The following NARS2 variants were observed in gnomAD, a reference collection of about 807,000 sequenced individuals.
The protein encoded by NARS2 is asparaginyl-tRNA synthetase 2, mitochondrial.
In NARS2, 60 loss-of-function variants were observed where a neutral mutation model predicts 62.9. The observed-to-expected ratio is 0.95, with a 90% CI of 0.77 to 1.18. The LOEUF is 1.18. Among genes scored for constraint, NARS2 ranks in the 50% most tolerant of loss-of-function variants. The probability of loss-of-function intolerance (pLI) is 0.00; values close to 1 mark genes in which losing one functional copy is unlikely to be tolerated. For synonymous variants in NARS2, 196 were observed against 200.0 expected (o/e 0.98, Z 0.17); for missense variants, 619 against 576.4 (o/e 1.07, Z -0.76).
intron 5 of NARS2, among the ~76,000 whole-genome samples, chr11:78,547,446 T>C (rs1266878374): frequency 6.6e-6 from 1 of 152,170 alleles, no homozygotes; most frequent in East Asian, 1.9e-4. Context: ...ATAGGTTAAA[T>C]ACATTGAAAT....
intron 7 of NARS2, among the ~76,000 whole-genome samples, chr11:78,491,283 C>T (rs930135848): frequency 1.3e-5 from 2 of 152,232 alleles, no homozygotes; most frequent in Admixed American, 1.3e-4. Flanking sequence ...CCCTTCCCTG[C>T]CCATTCCCTA....
At chr11:78,462,234 A>C (rs1858427902) in intron 11 of NARS2, among the ~76,000 whole-genome samples, 1 of 152,204 alleles carries the variant, frequency 6.6e-6, no homozygotes, top group Admixed American at 6.5e-5. Context: ...GGAGTGATGA[A>C]AAAAAGCCAA....
intron 6 of NARS2, among the ~76,000 whole-genome samples, chr11:78,523,218 G>A (rs747120243): frequency 6.6e-6 from 1 of 152,188 alleles, no homozygotes; most frequent in Non-Finnish European, 1.5e-5. Flanking sequence ...TGACTTTAAT[G>A]ATGAAAACCC....
intron 9 of NARS2, 49 bp downstream of exon 9, chr11:78,478,389 T>C (rs531865982): frequency 1.1e-5 from 9 of 827,840 alleles, no homozygotes; most frequent in Non-Finnish European, 1.6e-5. Flanking sequence ...TATAGTGTGA[T>C]AAATACAGTG....
chr11:78,466,101 A>C, intron 10 of NARS2, 88 bp from the exon 11 acceptor site: 4 of 1,376,050 alleles, frequency 2.9e-6, no homozygotes, highest in Non-Finnish European at 3.0e-6. Context: ...ATCAATTCTA[A>C]GGGCTTCATC....
chr11:78,518,845 T>C (rs1861009700), intron 6 of NARS2, among the ~76,000 whole-genome samples: 1 of 152,202 alleles, frequency 6.6e-6, no homozygotes. Flanking sequence ...GTGAAATGAA[T>C]GAGTACTATA....
chr11:78,468,325 AAAAG>A (rs1858718430), intron 10 of NARS2, among the ~76,000 whole-genome samples: 6 of 149,308 alleles, frequency 4.0e-5, no homozygotes, highest in African/African-American at 1.5e-4. Flanking sequence ...AAAAAAAAAA[AAAAG>A]AAAAAAAAGA....
chr11:78,497,044 G>A (rs1272288660), intron 6 of NARS2, among the ~76,000 whole-genome samples: 2 of 152,030 alleles, frequency 1.3e-5, no homozygotes, highest in Admixed American at 6.6e-5. Flanking sequence ...GGCCAGTATT[G>A]CTCTGAGAAG....
chr11:78,451,269 C>A (rs1857961017), intron 11 of NARS2, among the ~76,000 whole-genome samples: 1 of 152,236 alleles, frequency 6.6e-6, no homozygotes, highest in South Asian at 2.1e-4. Flanking sequence ...AATTTTCACA[C>A]TCTTTAGTTA....
At chr11:78,507,164 C>T (rs1860534266) in intron 6 of NARS2, among the ~76,000 whole-genome samples, 1 of 131,090 alleles carries the variant, frequency 7.6e-6, no homozygotes, top group African/African-American at 2.8e-5. Flanking sequence ...TCCCCACCCC[C>T]CACCCTGCCC....
At chr11:78,439,874 GA>G (rs1857522927) in intron 13 of NARS2, among the ~76,000 whole-genome samples, 1 of 152,224 alleles carries the variant, frequency 6.6e-6, no homozygotes, top group African/African-American at 2.4e-5. Context: ...AGTACTTGAA[GA>G]AAAAGTCTGC....
chr11:78,445,608 C>T (rs1460663996), intron 11 of NARS2, among the ~76,000 whole-genome samples: 3 of 152,058 alleles, frequency 2.0e-5, no homozygotes, highest in Non-Finnish European at 4.4e-5. Context: ...GATGACAAAG[C>T]GAGATTTTGT....
intron 6 of NARS2, among the ~76,000 whole-genome samples, chr11:78,523,777 G>A (rs147389108): frequency 3.3e-3 from 500 of 152,286 alleles, no homozygotes; most frequent in African/African-American, 0.012. Context: ...AACTCATAGA[G>A]AGAGAACTTA....
At chr11:78,538,721 C>A (rs1204457081) in intron 5 of NARS2, among the ~76,000 whole-genome samples, 1 of 151,916 alleles carries the variant, frequency 6.6e-6, no homozygotes, top group Admixed American at 6.6e-5. Flanking sequence ...TTAGGCCGGG[C>A]GCGGTGGCTC....
In NARS2 at chr11:78,469,131, C is replaced by T. The variant is rs1858756864; in HGVS notation, c.1026+116G>A. The T allele has an allele frequency of 1.5e-5, 10 of 686,842 alleles. No individual in the cohort carries two copies. In the South Asian group the frequency reaches 1.5e-4, roughly 10 times the overall value. 42.5% of individuals were successfully genotyped at this position (686,842 alleles called of 1,614,324 possible). Reference sequence around the variant, plus strand: ...AAGTCTGTGTACAAATGAGCAAATGCCATATTTTGCTAATAAGAGAATTAA... The same window carrying T: ...AAGTCTGTGTACAAATGAGCAAATGTCATATTTTGCTAATAAGAGAATTAA... On this transcript the variant is annotated intron_variant, in intron 10 of 13. Transcript: ENST00000281038.
At chr11:78,533,046 C>G (rs191307974) in intron 5 of NARS2, 32 of 152,256 alleles carry the variant, frequency 2.1e-4, no homozygotes, top group Middle Eastern at 3.4e-3. Context: ...GATTCTGGGC[C>G]TCTTGATTAT....
rs959900514 is a variant in NARS2, at chr11:78,496,136, G to A, written c.690-2941C>T. On this transcript the variant is annotated intron_variant, in intron 6 of 13. Transcript: ENST00000281038. ...ACAGTGCTTCCTCTAAAGTAACAGA[G>A]TGATAAAATGAACTGGAAGGTATGT... Among the ~76,000 whole-genome samples, 17 of 152,276 alleles carry A rather than the reference G, an allele frequency of 1.1e-4. No homozygotes were observed. The East Asian group carries it at 3.3e-3, about 29-fold the overall frequency.
At chr11:78,503,113 A>ACTGAGG (rs1860348947) in intron 6 of NARS2, among the ~76,000 whole-genome samples, 1 of 152,104 alleles carries the variant, frequency 6.6e-6, no homozygotes, top group Non-Finnish European at 1.5e-5. Flanking sequence ...AACTTCAGAA[A>ACTGAGG]CTGAGGCTTA....
At chr11:78,548,234 C>T (rs1855953341) in intron 5 of NARS2, among the ~76,000 whole-genome samples, 1 of 152,058 alleles carries the variant, frequency 6.6e-6, no homozygotes, top group Non-Finnish European at 1.5e-5. Flanking sequence ...AAAAATAAAA[C>T]CAGCTATAGC....
Sources: gnomAD v4.1 joint callset for allele counts (sites outside exome capture counted in the v4.1 genomes callset) on GRCh38, gnomAD v4.1.1 for gene constraint, MANE v1.5 for transcripts, NCBI Gene and HGNC (gene_info 2026-07-23, HGNC 2026-07-21) for gene names.